The following CEP43 variants were observed in gnomAD, a reference collection of about 807,000 sequenced individuals.
CEP43 encodes the protein centrosomal protein 43.
In CEP43, 36 loss-of-function variants were observed where a neutral mutation model predicts 52.6. The ratio of observed to expected loss-of-function variants is 0.68; its 90% confidence interval spans 0.52 to 0.90. The LOEUF (loss-of-function observed/expected upper bound fraction) is 0.90. Among genes scored for constraint, CEP43 ranks in the 40% least tolerant of loss-of-function variants. CEP43 has a pLI of 0.00. For missense variants in CEP43, 506 were observed against 472.8 expected (o/e 1.07, Z -0.65); for synonymous variants, 192 against 172.4 (o/e 1.11, Z -0.89).
At chr6:167,013,667 A>T in intron 7 of CEP43, 100 bp downstream of exon 7, 1 of 936,740 alleles carries the variant, frequency 1.1e-6, no homozygotes, top group Middle Eastern at 2.2e-4. Context: ...TTGGGTTCTC[A>T]GTTTTCTTAT....
In CEP43 at chr6:167,047,619, A is replaced by G. The variant is rs1030594463; in HGVS notation, c.*7641A>G. The G allele has an allele frequency of 1.3e-5, 2 of 152,204 alleles. No individual in the cohort carries two copies. Among genetic ancestry groups the G allele is most frequent in the Non-Finnish European group, 2.9e-5 (2 of 68,044 alleles). The allele number at this position is 152,204 out of a possible 1,614,324, so 9.4% of individuals were successfully genotyped here. ...ATGTTGAGAGTAAGGAGAAGAGAGAATACTTCTCGGATGATTGTTCAGTTT... is the reference window on the plus strand; with the variant it reads ...ATGTTGAGAGTAAGGAGAAGAGAGAGTACTTCTCGGATGATTGTTCAGTTT... On this transcript the variant is annotated 3_prime_UTR_variant, in exon 13 of 13. Coordinates refer to ENST00000366847, the MANE Select transcript of CEP43 (RefSeq NM_007045.4).
At chr6:167,003,061 T>G (rs535461567) in intron 2 of CEP43, 132 bp from the exon 3 acceptor site, 1 of 487,434 alleles carries the variant, frequency 2.1e-6, no homozygotes, top group African/African-American at 2.0e-5. Context: ...ACAAAGTAAG[T>G]CCTGTAGTAA....
Position 167,041,801 on chromosome 6 carries a change from T to C in CEP43, c.*1823T>C, listed in dbSNP as rs778847333. ...GAAATATGCCAAATATGAAACTTTT[T>C]TGTCAGCACTACATACATCTTTTTT... On this transcript the variant is annotated 3_prime_UTR_variant, in exon 13 of 13. Transcript: ENST00000366847. The C allele has an allele frequency of 6.9e-6, 7 of 1,008,204 alleles. No homozygotes were observed. Among genetic ancestry groups the C allele is most frequent in the Non-Finnish European group, 8.3e-6 (7 of 843,980 alleles). The allele number at this position is 1,008,204 out of a possible 1,614,324, so 62.5% of individuals were successfully genotyped here.
chr6:167,003,705 T>G lies in CEP43; in HGVS notation c.212-18T>G. 1 of 1,548,746 alleles carries G rather than the reference T, an allele frequency of 6.5e-7. No individual in the cohort carries two copies. The highest frequency in any genetic ancestry group is 8.9e-7 in the Non-Finnish European group (1 of 1,126,006). On this transcript the variant is annotated intron_variant, in intron 3 of 12. Coordinates refer to ENST00000366847, the MANE Select transcript of CEP43 (RefSeq NM_007045.4). ...TTTTTGAAGATTTGCTTACTTACCTTTTTCTTGATCTTTATAGGTCGTTTA... is the reference window on the plus strand; with the variant it reads ...TTTTTGAAGATTTGCTTACTTACCTGTTTCTTGATCTTTATAGGTCGTTTA...
rs566872828 is a variant in CEP43 at position 167,004,517 on chromosome 6, A to C, written c.438+116A>C. The C allele has an allele frequency of 1.0e-4, 84 of 837,604 alleles. 1 individual carries two copies. In the South Asian group the frequency reaches 2.5e-3, roughly 25 times the overall value. 51.9% of individuals were successfully genotyped at this position (837,604 alleles called of 1,614,324 possible). ...TTTTCATACTAGAAGATATTCCTTA[A>C]AAACAAAATGAGATGCATTCAGATT... On this transcript the variant is annotated intron_variant, in intron 5 of 12. Transcript: ENST00000366847.
intron 12 of CEP43, among the ~76,000 whole-genome samples, chr6:167,034,817 C>T (rs540010085): frequency 6.6e-5 from 10 of 152,248 alleles, no homozygotes; most frequent in Admixed American, 1.3e-4. Context: ...AGTATTAATA[C>T]CTATGTGATA....
chr6:167,026,754 T>C, intron 10 of CEP43, 139 bp downstream of exon 10: 1 of 641,124 alleles, frequency 1.6e-6, no homozygotes. Context: ...GAATGGCTTT[T>C]ATGTGTTCAG....
At chr6:167,028,152 C>A in intron 10 of CEP43, 1 of 983,884 alleles carries the variant, frequency 1.0e-6, no homozygotes, top group African/African-American at 1.7e-5. Context: ...CCTTTGTGTT[C>A]TGTTTTTTTC....
At chr6:167,017,254 C>G (rs1281662161) in intron 7 of CEP43, among the ~76,000 whole-genome samples, 1 of 152,074 alleles carries the variant, frequency 6.6e-6, no homozygotes, top group Non-Finnish European at 1.5e-5. Flanking sequence ...CTTGGGCTCC[C>G]AAAGTGCTGG....
At chr6:167,000,192 A>T (rs1034446203) in intron 2 of CEP43, 79 bp downstream of exon 2, 2 of 1,127,292 alleles carry the variant, frequency 1.8e-6, no homozygotes, top group African/African-American at 3.1e-5. Flanking sequence ...TCTTAAAAAT[A>T]GTTTATAGTA....
In CEP43 at chr6:167,026,277, C is replaced by T. The variant is rs186700387; in HGVS notation, c.920-270C>T. Among the ~76,000 whole-genome samples the T allele has an allele frequency of 2.0e-3, 303 of 152,284 alleles. 2 individuals are homozygous for T. Among genetic ancestry groups the T allele is most frequent in the Non-Finnish European group, 3.6e-3 (248 of 68,034 alleles). On this transcript the variant is annotated intron_variant, in intron 9 of 12. Transcript: ENST00000366847. ...ACTCGGGAGGCTGAGGCGGGAGAAT[C>T]GCTTGAACCCAGAAGGCAGAGGTTG...
intron 11 of CEP43, among the ~76,000 whole-genome samples, chr6:167,033,255 T>C (rs1249809897): frequency 6.6e-6 from 1 of 151,706 alleles, no homozygotes; most frequent in Non-Finnish European, 1.5e-5. Context: ...GGATTATAGG[T>C]GCGTGCCACT....
At position 167,040,456 on chromosome 6, in the gene CEP43, T is replaced by C; in HGVS notation, c.*478T>C. ...TAGTTGGCAAAATGACTTGGTAAATTTGTAATGCTGAAGTATATTAGTATA... is the reference window on the plus strand; with the variant it reads ...TAGTTGGCAAAATGACTTGGTAAATCTGTAATGCTGAAGTATATTAGTATA... On this transcript the variant is annotated 3_prime_UTR_variant, in exon 13 of 13. Coordinates refer to ENST00000366847, the MANE Select transcript of CEP43 (RefSeq NM_007045.4). The C allele has an allele frequency of 1.4e-5, 17 of 1,215,020 alleles. No individual in the cohort carries two copies. The highest frequency in any genetic ancestry group is 1.7e-5 in the Non-Finnish European group (17 of 971,472). 75.3% of individuals were successfully genotyped at this position (1,215,020 alleles called of 1,614,324 possible).
At chr6:167,025,751 G>C (rs930560506) in intron 9 of CEP43, among the ~76,000 whole-genome samples, 1 of 152,064 alleles carries the variant, frequency 6.6e-6, no homozygotes, top group East Asian at 1.9e-4. Context: ...CTTCTTTCCC[G>C]TGGTTACTGC....
At chr6:167,015,717 C>G (rs1297582277) in intron 7 of CEP43, among the ~76,000 whole-genome samples, 1 of 152,082 alleles carries the variant, frequency 6.6e-6, no homozygotes, top group Non-Finnish European at 1.5e-5. Flanking sequence ...CACTCAGAGA[C>G]CCTTGGCACT....
chr6:167,033,829 T>C, intron 11 of CEP43, 46 bp from the exon 12 acceptor site: 1 of 905,334 alleles, frequency 1.1e-6, no homozygotes, highest in Non-Finnish European at 1.8e-6. Context: ...TCTCTTTAAA[T>C]GTTTATTTTC....
At chr6:167,014,222 C>A (rs1422500291) in intron 7 of CEP43, among the ~76,000 whole-genome samples, 1 of 152,052 alleles carries the variant, frequency 6.6e-6, no homozygotes, top group South Asian at 2.1e-4. Flanking sequence ...TGAATACGTA[C>A]CTATTGATAA....
At chr6:167,004,964 CTT>C (rs1358465889) in intron 5 of CEP43, among the ~76,000 whole-genome samples, 3 of 152,150 alleles carry the variant, frequency 2.0e-5, no homozygotes, top group Non-Finnish European at 4.4e-5. Flanking sequence ...TTTTCATACT[CTT>C]AACCTTTTTT....
intron 5 of CEP43, among the ~76,000 whole-genome samples, chr6:167,009,384 C>T (rs1447689360): frequency 1.3e-5 from 2 of 151,442 alleles, no homozygotes; most frequent in East Asian, 1.9e-4. Flanking sequence ...GTGGTGTGCA[C>T]CTGTAGTCCC....
Sources: allele counts gnomAD v4.1 joint callset (sites outside exome capture counted in the v4.1 genomes callset), GRCh38; gene constraint gnomAD v4.1.1; transcripts MANE v1.5; gene names NCBI Gene and HGNC (gene_info 2026-07-23, HGNC 2026-07-21).